The following LINGO2 variants were observed in gnomAD, a reference collection of about 807,000 sequenced individuals.
The protein encoded by LINGO2 is leucine rich repeat and Ig domain containing 2.
A neutral mutation model predicts 30.6 loss-of-function variants in LINGO2; 14 were observed. The ratio of observed to expected loss-of-function variants is 0.46; its 90% CI spans 0.30 to 0.72. LINGO2 has a LOEUF of 0.72. LINGO2 is among the 30% of genes least tolerant of loss of function. The pLI is 0.07. For missense variants in LINGO2, 729 were observed against 751.7 expected, an observed-to-expected ratio of 0.97 and a Z score of 0.35; for synonymous variants, 317 against 288.5, an observed-to-expected ratio of 1.10 and a Z score of -1.00.
chr9:28,443,435 C>T (rs1824279178), intron 2 of LINGO2, among the ~76,000 whole-genome samples: 1 of 152,168 alleles, frequency 6.6e-6, no homozygotes. Flanking sequence ...GCAGGAGCCC[C>T]ATATTCCTGG....
chr9:28,944,247 A>G, the LINGO2 span, among the ~76,000 whole-genome samples: 1 of 152,194 alleles, frequency 6.6e-6, no homozygotes, highest in Non-Finnish European at 1.5e-5. Flanking sequence ...AGACCCTTGA[A>G]GGATATGACC....
At chr9:28,969,663 T>C in the LINGO2 span, among the ~76,000 whole-genome samples, 3 of 152,014 alleles carry the variant, frequency 2.0e-5, no homozygotes, top group Non-Finnish European at 2.9e-5. Context: ...GTAGTACAGA[T>C]AGTGAAAAGT....
At chr9:28,408,369 C>T (rs1822597934) in intron 2 of LINGO2, among the ~76,000 whole-genome samples, 2 of 152,034 alleles carry the variant, frequency 1.3e-5, no homozygotes, top group East Asian at 1.9e-4. Flanking sequence ...TTAGTTTCAA[C>T]GTGGACTGGT....
chr9:29,175,734 C>A, the LINGO2 span, among the ~76,000 whole-genome samples: 6 of 151,882 alleles, frequency 4.0e-5, no homozygotes. Context: ...ACCATGTTGG[C>A]CAGGATGGTC....
chr9:29,073,183 G>C, the LINGO2 span, among the ~76,000 whole-genome samples: 1 of 151,948 alleles, frequency 6.6e-6, no homozygotes, highest in Non-Finnish European at 1.5e-5. Flanking sequence ...TATACATACA[G>C]ACCCATACAT....
At chr9:28,065,379 G>A (rs905747102) in intron 4 of LINGO2, among the ~76,000 whole-genome samples, 1 of 151,928 alleles carries the variant, frequency 6.6e-6, no homozygotes, top group Non-Finnish European at 1.5e-5. Context: ...ATACATGAAT[G>A]ACCTACAAAG....
the LINGO2 span, among the ~76,000 whole-genome samples, chr9:29,074,969 C>T: frequency 1.3e-5 from 2 of 152,070 alleles, no homozygotes; most frequent in Non-Finnish European, 2.9e-5. Flanking sequence ...AGCCACCGCG[C>T]CAGGCCCATT....
At chr9:28,032,415 T>C (rs1554662249) in intron 4 of LINGO2, among the ~76,000 whole-genome samples, 4 of 152,118 alleles carry the variant, frequency 2.6e-5, no homozygotes, top group Non-Finnish European at 5.9e-5. Flanking sequence ...ATTCCTGTCT[T>C]TGTCAACATT....
the LINGO2 span, among the ~76,000 whole-genome samples, chr9:29,000,196 G>A: frequency 6.6e-6 from 1 of 151,808 alleles, no homozygotes; most frequent in African/African-American, 2.4e-5. Flanking sequence ...TGGCCCTATG[G>A]ACATAATATA....
At chr9:28,670,858 G>C (rs1828981565), upstream of LINGO2, among the ~76,000 whole-genome samples, 1 of 151,928 alleles carries the variant, frequency 6.6e-6, no homozygotes. Context: ...ATCTTCCTCA[G>C]GGAGACATAG....
intron 4 of LINGO2, among the ~76,000 whole-genome samples, chr9:28,268,302 T>C (rs1401326172): frequency 1.3e-5 from 2 of 152,080 alleles, no homozygotes; most frequent in East Asian, 1.9e-4. Flanking sequence ...TTGAACTAGA[T>C]TAGAAGAGTA....
the LINGO2 span, among the ~76,000 whole-genome samples, chr9:28,705,509 A>G: frequency 6.6e-6 from 1 of 152,082 alleles, no homozygotes; most frequent in Non-Finnish European, 1.5e-5. Context: ...AAACCCCAAT[A>G]TATAAGGCTC....
Position 28,329,661 on chromosome 9 carries a change from T to G in LINGO2, c.-245-34295A>C, listed in dbSNP as rs994487095. 6.6e-6 allele frequency among the ~76,000 whole-genome samples: 1 copy of G among 152,112 alleles called. No homozygotes were observed. Among genetic ancestry groups the G allele is most frequent in the Non-Finnish European group, 1.5e-5 (1 of 68,024 alleles). On this transcript the variant is annotated intron_variant, in intron 3 of 5. Transcript: ENST00000379992. This position sits in a 1 kb window ranked among gnomAD's most constrained non-coding sequence, Gnocchi z 4.5. ...GAATAGTTTCCTTCCCACTCTCCCC[T>G]TCTTTCACTCATTTACCACTGCAAC...
chr9:28,883,628 G>GTGTGTATGTGTATATA, the LINGO2 span, among the ~76,000 whole-genome samples: 14 of 64,176 alleles, frequency 2.2e-4, 1 homozygote, highest in South Asian at 1.9e-3. Context: ...ATGTGTGTGT[G>GTGTGTATGTGTATATA]TATATATATA....
chr9:28,053,956 G>A (rs540476735), intron 4 of LINGO2, among the ~76,000 whole-genome samples: 3 of 152,082 alleles, frequency 2.0e-5, no homozygotes, highest in South Asian at 4.2e-4. Context: ...AAAAAGGAAG[G>A]CCAAGTATTA....
chr9:29,150,254 C>T, the LINGO2 span, among the ~76,000 whole-genome samples: 1 of 152,086 alleles, frequency 6.6e-6, no homozygotes, highest in Non-Finnish European at 1.5e-5. Flanking sequence ...TCCGAAAGTA[C>T]CCAGAAATGA....
At chr9:27,959,377 C>G (rs1272158313) in intron 5 of LINGO2, among the ~76,000 whole-genome samples, 1 of 152,108 alleles carries the variant, frequency 6.6e-6, no homozygotes, top group Non-Finnish European at 1.5e-5. Flanking sequence ...TTCTTCTTCA[C>G]TGACTTAAGG....
intron 4 of LINGO2, among the ~76,000 whole-genome samples, chr9:28,152,001 G>A (rs146365120): frequency 2.3e-3 from 351 of 152,262 alleles, no homozygotes; most frequent in African/African-American, 6.7e-3. Context: ...AAAGTGTCAT[G>A]AGGGCTTAAT....
intron 4 of LINGO2, among the ~76,000 whole-genome samples, chr9:28,289,456 G>A (rs932793628): frequency 6.6e-6 from 1 of 152,062 alleles, no homozygotes; most frequent in African/African-American, 2.4e-5. Context: ...ATAATACTTG[G>A]ATCAAAATTA....
Sources: gnomAD v4.1 joint callset for allele counts (sites outside exome capture counted in the v4.1 genomes callset) on GRCh38, gnomAD v4.1.1 for gene constraint, Gnocchi (gnomAD v3.1) non-coding constraint, MANE v1.5 for transcripts, NCBI Gene and HGNC (gene_info 2026-07-23, HGNC 2026-07-21) for gene names.